The following ABCA13 variants were observed in gnomAD, a reference collection of about 807,000 sequenced individuals.
ABCA13 encodes ATP binding cassette subfamily A member 13.
ABCA13 carries 476 observed loss-of-function variants against 478.7 expected under a neutral mutation model. The ratio of observed to expected loss-of-function variants is 0.99; its 90% CI spans 0.92 to 1.07. The LOEUF (loss-of-function observed/expected upper bound fraction) is 1.07. ABCA13 is among the 50% of genes least tolerant of loss of function. The pLI is 0.00. For missense variants in ABCA13, 6,060 were observed against 5,910.6 expected (o/e 1.03, Z -0.83); for synonymous variants, 2,252 against 2,158.9 (o/e 1.04, Z -1.20).
chr7:48,388,988 AT>A, intron 36 of ABCA13, 51 bp from the exon 37 acceptor site: 1 of 1,569,186 alleles, frequency 6.4e-7, no homozygotes, highest in South Asian at 1.2e-5. Flanking sequence ...TATGAGCATT[AT>A]TTTTAGGGCT....
chr7:48,364,893 A>G (rs982274255), intron 31 of ABCA13, among the ~76,000 whole-genome samples: 2 of 152,146 alleles, frequency 1.3e-5, no homozygotes, highest in African/African-American at 2.4e-5. Flanking sequence ...TCTCTTCGAT[A>G]TACTGATTTT....
chr7:48,612,900 G>C (rs980089792), intron 58 of ABCA13, among the ~76,000 whole-genome samples: 26 of 151,344 alleles, frequency 1.7e-4, no homozygotes, highest in African/African-American at 6.3e-4. Context: ...CATTGTTTTT[G>C]AAGTGACGAT....
rs2131712807 is a variant in ABCA13, at chr7:48,646,439, A to T, written c.*927A>T. On this transcript the variant is annotated 3_prime_UTR_variant, in exon 62 of 62. Transcript: ENST00000435803. The stretch of plus-strand genomic sequence containing the variant: ...GGCTTAAACAAGCACATTCCAAGTT[A>T]AGAACCAATGACCTAAGGGAATGTC... The T allele has an allele frequency of 6.6e-6, 1 of 152,292 alleles. No homozygotes were observed. Among genetic ancestry groups the T allele is most frequent in the African/African-American group, 2.4e-5 (1 of 41,564 alleles). 9.4% of individuals were successfully genotyped at this position (152,292 alleles called of 1,614,324 possible).
At chr7:48,611,615 T>C (rs995658414) in intron 58 of ABCA13, among the ~76,000 whole-genome samples, 14 of 152,076 alleles carry the variant, frequency 9.2e-5, no homozygotes, top group African/African-American at 2.7e-4. Context: ...GGGGAAGTGC[T>C]ACACACTTTT....
chr7:48,271,718 A>G, intron 16 of ABCA13, 69 bp from the exon 17 acceptor site: 1 of 1,004,178 alleles, frequency 1.0e-6, no homozygotes, highest in South Asian at 4.2e-5. Context: ...AATGAGTATT[A>G]ACTTGGAAAT....
chr7:48,481,297 C>T (rs1398375490), intron 46 of ABCA13, 143 bp downstream of exon 46: 2 of 657,402 alleles, frequency 3.0e-6, no homozygotes, highest in African/African-American at 1.9e-5. Flanking sequence ...GTGATGTTCC[C>T]CTTCCTGTGT....
At chr7:48,445,275 C>T (rs1289541943) in intron 42 of ABCA13, among the ~76,000 whole-genome samples, 1 of 152,156 alleles carries the variant, frequency 6.6e-6, no homozygotes, top group Non-Finnish European at 1.5e-5. Flanking sequence ...TCCCAAAGTG[C>T]TGGGATTACA....
At chr7:48,638,353 G>GT (rs1794850400) in intron 59 of ABCA13, among the ~76,000 whole-genome samples, 1 of 152,192 alleles carries the variant, frequency 6.6e-6, no homozygotes, top group Non-Finnish European at 1.5e-5. Context: ...ACAGAGAGCA[G>GT]TGTTTATGGA....
At chr7:48,574,146 C>T (rs1787940293) in intron 55 of ABCA13, among the ~76,000 whole-genome samples, 1 of 151,998 alleles carries the variant, frequency 6.6e-6, no homozygotes, top group Non-Finnish European at 1.5e-5. Flanking sequence ...GGACACGATT[C>T]AACCCATAAC....
At chr7:48,242,358 A>C (rs1176668614) in intron 10 of ABCA13, among the ~76,000 whole-genome samples, 1 of 151,940 alleles carries the variant, frequency 6.6e-6, no homozygotes, top group African/African-American at 2.4e-5. Context: ...CCCCCATATA[A>C]AATTTCCACA....
At chr7:48,210,648 G>A (rs1043304827) in intron 3 of ABCA13, among the ~76,000 whole-genome samples, 1 of 151,834 alleles carries the variant, frequency 6.6e-6, no homozygotes, top group African/African-American at 2.4e-5. Flanking sequence ...TTTACAACTT[G>A]CAAAGTTGAT....
chr7:48,418,768 A>T (rs1241153932), intron 41 of ABCA13, among the ~76,000 whole-genome samples: 1 of 152,222 alleles, frequency 6.6e-6, no homozygotes, highest in Non-Finnish European at 1.5e-5. Flanking sequence ...GTATTTTCAG[A>T]TTAGACACTG....
chr7:48,345,147 G>A (rs1038743396), intron 29 of ABCA13, among the ~76,000 whole-genome samples: 2 of 152,158 alleles, frequency 1.3e-5, no homozygotes, highest in East Asian at 3.8e-4. Context: ...TTGTTTGTGG[G>A]GATGTTGGTG....
chr7:48,177,558 C>T (rs965009871), intron 1 of ABCA13, among the ~76,000 whole-genome samples: 4 of 152,204 alleles, frequency 2.6e-5, no homozygotes, highest in Non-Finnish European at 5.9e-5. Flanking sequence ...CAGTGAGAGG[C>T]GAGAGGGTTC....
Position 48,502,812 on chromosome 7 carries a change from T to C in ABCA13, c.13292-3524T>C, listed in dbSNP as rs149721630. ...TATACAAATAGTCTAATGTCCTAAA[T>C]AGCATACAGCACATGGCTACAGGCT... On this transcript the variant is annotated intron_variant, in intron 48 of 61. Coordinates refer to ENST00000435803, the MANE Select transcript of ABCA13 (RefSeq NM_152701.5). 6.9e-3 allele frequency among the ~76,000 whole-genome samples: 1,056 copies of C among 152,326 alleles called. 4 individuals carry two copies. The highest frequency in any genetic ancestry group is 0.012 in the Non-Finnish European group (842 of 68,024).
At position 48,314,278 on chromosome 7, in the gene ABCA13, A is replaced by G; in HGVS notation, c.9728A>G (p.Gln3243Arg). 6.2e-7 allele frequency: 1 copy of G among 1,613,546 alleles called. No individual in the cohort carries two copies. Among genetic ancestry groups the G allele is most frequent in the Non-Finnish European group, 8.5e-7 (1 of 1,179,812 alleles). The part of the protein sequence containing the change: ...QARSSAFGSF[Q>R]FVMKMVCKDQ... ...AGAAGTTCAGCTTTTGGTTCTTTCC[A>G]GTTTGTGATGAAGATGGTTTGCAAG... is the stretch of plus-strand genomic sequence containing the variant. Residue 3243 changes from glutamine (Q) to arginine (R), a missense_variant, in exon 26 of 62, where the codon CAG becomes CGG. Gln to Arg is a conservative substitution (Grantham distance 43). Around this residue, in one of 3 missense-constraint regions of ABCA13, gnomAD observed 4,423 missense variants for 4,309.1 expected, o/e 1.03. Coordinates refer to ENST00000435803, the MANE Select transcript of ABCA13 (RefSeq NM_152701.5).
chr7:48,350,801 C>G lies in ABCA13; in HGVS notation c.10363C>G (p.Gln3455Glu). 6.2e-7 allele frequency: 1 copy of G among 1,613,686 alleles called. No individual in the cohort carries two copies. Among genetic ancestry groups the G allele is most frequent in the Non-Finnish European group, 8.5e-7 (1 of 1,179,738 alleles). ...GACTAAAGCACATGAACTCTTGCAG[C>G]AGAACAGCTTCTTGGCCAGTAAGTA... ...LETKAHELLQQNSFLASIIFS... is the reference protein window; with the variant it reads ...LETKAHELLQENSFLASIIFS... The change falls in exon 30 of 62, where the codon CAG becomes GAG. Residue 3455 changes from glutamine to glutamate, a missense_variant. Physicochemically the swap from Gln to Glu is conservative, Grantham distance 29. Coordinates refer to ENST00000435803, the MANE Select transcript of ABCA13 (RefSeq NM_152701.5).
intron 1 of ABCA13, among the ~76,000 whole-genome samples, chr7:48,179,017 AT>A (rs1385866120): frequency 6.7e-6 from 1 of 148,992 alleles, no homozygotes; most frequent in South Asian, 2.1e-4. Flanking sequence ...AATAATAATA[AT>A]AATAAAAACA....
intron 50 of ABCA13, among the ~76,000 whole-genome samples, chr7:48,510,658 G>A (rs747514121): frequency 1.3e-5 from 2 of 152,168 alleles, no homozygotes; most frequent in Non-Finnish European, 2.9e-5. Flanking sequence ...TGAGATCAAG[G>A]TGTTGGCAGG....
Sources: allele counts gnomAD v4.1 joint callset (sites outside exome capture counted in the v4.1 genomes callset), GRCh38; gene constraint gnomAD v4.1.1; regional missense constraint gnomAD v4.1.1; transcripts MANE v1.5; gene names NCBI Gene and HGNC (gene_info 2026-07-23, HGNC 2026-07-21).